The following ALG6 variants were observed in gnomAD, a reference collection of about 807,000 sequenced individuals.
ALG6 encodes dolichyl pyrophosphate Man9GlcNAc2 alpha-1,3-glucosyltransferase.
ALG6 carries 46 observed loss-of-function variants against 66.6 expected under a neutral mutation model. The ratio of observed to expected loss-of-function variants is 0.69; its 90% CI spans 0.55 to 0.88. The LOEUF is 0.88. Among genes scored for constraint, ALG6 ranks in the 40% least tolerant of loss-of-function variants. ALG6 has a pLI of 0.00. For synonymous variants in ALG6, 185 were observed against 203.7 expected (o/e 0.91, Z 0.78); for missense variants, 505 against 586.8 (o/e 0.86, Z 1.44).
At chr1:63,400,352 T>C (rs796632449) in intron 3 of ALG6, among the ~76,000 whole-genome samples, 3 of 111,932 alleles carry the variant, frequency 2.7e-5, no homozygotes, top group Non-Finnish European at 5.1e-5. Flanking sequence ...TATATATGTA[T>C]ATATATATGT....
At chr1:63,415,180 G>A (rs1038668190) in intron 10 of ALG6, among the ~76,000 whole-genome samples, 11 of 152,132 alleles carry the variant, frequency 7.2e-5, no homozygotes, top group African/African-American at 2.7e-4. Flanking sequence ...GTTCAGCCTA[G>A]CCAAGTTGAT....
intron 2 of ALG6, among the ~76,000 whole-genome samples, chr1:63,382,651 G>A (rs11208201): frequency 4.2e-5 from 1 of 24,048 alleles, no homozygotes; most frequent in African/African-American, 2.2e-4. Context: ...GTTTTTTTTT[G>A]TTTGTTTTTT....
Position 63,429,108 on chromosome 1 carries a change from C to T in ALG6, c.1308C>T (p.Ser436=), listed in dbSNP as rs1271255207. 7 of 1,596,872 alleles carry T rather than the reference C, an allele frequency of 4.4e-6. No individual in the cohort carries two copies. In the Admixed American group the frequency reaches 8.5e-5, roughly 19 times the overall value. Residue 436 remains serine (S), a synonymous_variant, in exon 14 of 15, where the codon TCC becomes TCT. Transcript: ENST00000263440. ...ATCTTCCATGTTTTACATTTCTTTC[C>T]AGAATTATACAATATTTGGTAAGTT... ...RKYLPCFTFL[S]RIIQYLFLIS... is the part of the protein sequence containing the mutation.
chr1:63,429,088 C>G lies in ALG6; in HGVS notation c.1288C>G (p.Pro430Ala), dbSNP rs778680321. 1 of 1,603,436 alleles carries G rather than the reference C, an allele frequency of 6.2e-7. No individual in the cohort carries two copies. The highest frequency in any genetic ancestry group is 1.1e-5 in the South Asian group (1 of 89,246). Reference protein sequence around the residue: ...SFSISVRKYLPCFTFLSRIIQ... With the variant: ...SFSISVRKYLACFTFLSRIIQ... The stretch of plus-strand genomic sequence containing the variant: ...TTCCATTTCTGTGAGGAAATATCTT[C>G]CATGTTTTACATTTCTTTCCAGAAT... The change falls in exon 14 of 15, where the codon CCA becomes GCA. Residue 430 changes from proline (P) to alanine (A), a missense_variant. Physicochemically the swap from Pro to Ala is conservative, Grantham distance 27. Coordinates refer to ENST00000263440, the MANE Select transcript of ALG6 (RefSeq NM_013339.4).
At chr1:63,379,130 C>T (rs1054723982) in intron 2 of ALG6, among the ~76,000 whole-genome samples, 1 of 152,066 alleles carries the variant, frequency 6.6e-6, no homozygotes, top group Non-Finnish European at 1.5e-5. Context: ...TTTGTTTCTT[C>T]ATGAGCTTAG....
At chr1:63,419,560 T>C in intron 12 of ALG6, 120 bp downstream of exon 12, 1 of 755,738 alleles carries the variant, frequency 1.3e-6, no homozygotes, top group Non-Finnish European at 2.0e-6. Context: ...TTGCATAAAA[T>C]GATTTCATAG....
chr1:63,429,176 T>A (rs756079224), intron 14 of ALG6, 50 bp downstream of exon 14: 14 of 1,335,536 alleles, frequency 1.0e-5, no homozygotes, highest in Non-Finnish European at 1.3e-5. Context: ...GTCACTATTT[T>A]AAAAAATTAT....
At chr1:63,377,107 G>A (rs368815287) in intron 2 of ALG6, among the ~76,000 whole-genome samples, 40 of 152,110 alleles carry the variant, frequency 2.6e-4, no homozygotes, top group African/African-American at 7.7e-4. Flanking sequence ...GATTACAGGC[G>A]TGCGCTGCCA....
chr1:63,422,267 A>AAATATATATATTTATATAGATATT (rs1644585069), intron 12 of ALG6, among the ~76,000 whole-genome samples: 1 of 55,704 alleles, frequency 1.8e-5, no homozygotes, highest in South Asian at 5.2e-4. Context: ...ATATAGATAT[A>AAATATATATATTTATATAGATATT]AATATATATA....
Position 63,436,837 on chromosome 1 carries a change from C to T in ALG6, c.1341C>T (p.Val447=), listed in dbSNP as rs777326636. The T allele has an allele frequency of 1.7e-4, 269 of 1,613,720 alleles. 5 individuals carry two copies. The South Asian group carries it at 2.9e-3, about 17-fold the overall frequency. Reference sequence around the variant, plus strand: ...TTTCCTTGCAGTTTCTTATCTCAGTCATCACTATGGTGCTTCTGACGTTGA... The same window carrying T: ...TTTCCTTGCAGTTTCTTATCTCAGTTATCACTATGGTGCTTCTGACGTTGA... The part of the protein sequence containing the change: ...RIIQYLFLIS[V]ITMVLLTLMT... The change falls in exon 15 of 15, where the codon GTC becomes GTT. Residue 447 remains valine, a synonymous_variant. Coordinates refer to ENST00000263440, the MANE Select transcript of ALG6 (RefSeq NM_013339.4).
At chr1:63,374,619 C>A (rs1648056735) in intron 2 of ALG6, among the ~76,000 whole-genome samples, 1 of 98,140 alleles carries the variant, frequency 1.0e-5, no homozygotes, top group Admixed American at 1.1e-4. Context: ...CAGAGCAAGA[C>A]TCTGTCTCCA....
intron 2 of ALG6, among the ~76,000 whole-genome samples, chr1:63,393,260 AT>A: frequency 6.6e-6 from 1 of 152,352 alleles, no homozygotes; most frequent in Non-Finnish European, 1.5e-5. Flanking sequence ...CAAAAATGCA[AT>A]TAATTCTTTG....
chr1:63,402,479 T>G (rs1409651801), intron 4 of ALG6, 136 bp downstream of exon 4: 1 of 596,116 alleles, frequency 1.7e-6, no homozygotes, highest in African/African-American at 2.0e-5. Context: ...TTTTTTTTTT[T>G]TTTTTGAGAT....
In ALG6 at chr1:63,437,281, A is replaced by G. The variant is rs759877916; in HGVS notation, c.*261A>G. ...TCACAGCTATTCAAGTGGGGAAAAA[A>G]GAGAAACATGTCCTTAATCCCATTG... On this transcript the variant is annotated 3_prime_UTR_variant, in exon 15 of 15. Coordinates refer to ENST00000263440, the MANE Select transcript of ALG6 (RefSeq NM_013339.4). 2.5e-6 allele frequency: 1 copy of G among 400,202 alleles called. No individual in the cohort carries two copies. The highest frequency in any genetic ancestry group is 4.6e-6 in the Non-Finnish European group (1 of 215,102). 24.8% of individuals were successfully genotyped at this position (400,202 alleles called of 1,614,324 possible).
chr1:63,426,944 C>G (rs1644618113), intron 12 of ALG6, among the ~76,000 whole-genome samples: 2 of 152,132 alleles, frequency 1.3e-5, no homozygotes, highest in Admixed American at 1.3e-4. Flanking sequence ...TATTGAGCAC[C>G]TTCAATGAGC....
At chr1:63,434,531 T>C (rs1216637152) in intron 14 of ALG6, among the ~76,000 whole-genome samples, 1 of 152,258 alleles carries the variant, frequency 6.6e-6, no homozygotes, top group Non-Finnish European at 1.5e-5. Flanking sequence ...TAGCGCAAGC[T>C]TGTCCAATCT....
chr1:63,406,978 A>G, intron 6 of ALG6, 84 bp from the exon 7 acceptor site: 1 of 975,492 alleles, frequency 1.0e-6, no homozygotes. Flanking sequence ...ACATTTGCTA[A>G]TGTGTTAGAT....
intron 2 of ALG6, 53 bp downstream of exon 2, chr1:63,371,112 G>A: frequency 2.4e-6 from 3 of 1,237,188 alleles, no homozygotes; most frequent in Non-Finnish European, 3.6e-6. Context: ...TTGAATAGGT[G>A]TTTGTTTGGG....
At chr1:63,393,876 G>A (rs547601262) in intron 2 of ALG6, among the ~76,000 whole-genome samples, 1 of 152,242 alleles carries the variant, frequency 6.6e-6, no homozygotes, top group African/African-American at 2.4e-5. Context: ...AATCTACTAG[G>A]TGCTATTACA....
Sources: allele counts gnomAD v4.1 joint callset (sites outside exome capture counted in the v4.1 genomes callset), GRCh38; gene constraint gnomAD v4.1.1; transcripts MANE v1.5; gene names NCBI Gene and HGNC (gene_info 2026-07-23, HGNC 2026-07-21).